Variants in CNIH3 observed in about 807,000 individuals in gnomAD.
The protein encoded by CNIH3 is protein cornichon homolog 3.
In CNIH3, 14 loss-of-function variants were observed where a neutral mutation model predicts 24.1. The ratio of observed to expected loss-of-function variants is 0.58; its 90% CI spans 0.38 to 0.91. The LOEUF is 0.91. Among genes scored for constraint, CNIH3 ranks in the 40% least tolerant of loss-of-function variants. The pLI, the probability that CNIH3 is intolerant of heterozygous loss-of-function variation, is 0.00. For missense variants in CNIH3, 178 were observed against 196.8 expected (o/e 0.90, Z 0.57); for synonymous variants, 68 against 73.8 (o/e 0.92, Z 0.40).
exon 6 of CNIH3, chr1:224,588,554 A>G (rs1310914345): frequency 6.6e-6 from 1 of 152,152 alleles, no homozygotes; most frequent in African/African-American, 2.4e-5. Flanking sequence ...AAGGATGAAG[A>G]AGACATTTTT....
chr1:224,731,926 A>G (rs376245215), intron 4 of CNIH3, among the ~76,000 whole-genome samples: 1 of 152,242 alleles, frequency 6.6e-6, no homozygotes, highest in East Asian at 1.9e-4. Context: ...CAGGGTTGGC[A>G]GGCAGCTGAG....
At chr1:224,626,741 C>G (rs74149627) in intron 1 of CNIH3, among the ~76,000 whole-genome samples, 28 of 152,310 alleles carry the variant, frequency 1.8e-4, no homozygotes, top group African/African-American at 5.5e-4. Context: ...ACCTACCTCT[C>G]CAGCCGGTCT....
At chr1:224,450,945 A>G (rs556752331) in intron 1 of CNIH3, among the ~76,000 whole-genome samples, 1 of 152,318 alleles carries the variant, frequency 6.6e-6, no homozygotes, top group Admixed American at 6.5e-5. Context: ...TTGTTCTGAA[A>G]TATGCTTTTA....
chr1:224,440,417 G>T (rs77420043), intron 1 of CNIH3, among the ~76,000 whole-genome samples: 3,223 of 152,086 alleles, frequency 0.021, 84 homozygotes, highest in East Asian at 0.098. Context: ...CTAGAGGCAG[G>T]GTCACCCTAT....
chr1:224,461,433 A>G (rs771066456), intron 1 of CNIH3, among the ~76,000 whole-genome samples: 49 of 152,238 alleles, frequency 3.2e-4, no homozygotes, highest in Non-Finnish European at 8.8e-5. Flanking sequence ...TAAGCATACC[A>G]GTATTCTATA....
intron 1 of CNIH3, among the ~76,000 whole-genome samples, chr1:224,654,988 G>A (rs1027324912): frequency 3.3e-5 from 5 of 152,092 alleles, no homozygotes; most frequent in South Asian, 4.1e-4. Context: ...AAAACAGATC[G>A]CACATGCAAA....
chr1:224,496,571 G>C (rs1282809317), intron 1 of CNIH3, among the ~76,000 whole-genome samples: 1 of 152,170 alleles, frequency 6.6e-6, no homozygotes, highest in Non-Finnish European at 1.5e-5. Context: ...CCTGAATCAG[G>C]GTGGTTTCAG....
chr1:224,473,959 A>G (rs1027672505), intron 1 of CNIH3, among the ~76,000 whole-genome samples: 1 of 152,242 alleles, frequency 6.6e-6, no homozygotes, highest in African/African-American at 2.4e-5. Flanking sequence ...CTCTGACCAC[A>G]ATAAAATAAA....
rs371585605 is a variant in CNIH3, at chr1:224,519,654, T to G, written n.16-1346T>G. On this transcript the variant is annotated intron_variant and non_coding_transcript_variant, in intron 1 of 2. Coordinates refer to the CNIH3 transcript ENST00000470602. ...TCACATATACATTTTGTGTGTGTAC[T>G]CTTCATGCAGAAGTGGCAGGAAATA... Among the ~76,000 whole-genome samples, 5 of 149,806 alleles carry G rather than the reference T, an allele frequency of 3.3e-5. No homozygotes were observed. In the South Asian group the frequency reaches 1.0e-3, roughly 31 times the overall value.
At chr1:224,728,393 C>T (rs1425773184) in intron 3 of CNIH3, among the ~76,000 whole-genome samples, 1 of 152,066 alleles carries the variant, frequency 6.6e-6, no homozygotes, top group African/African-American at 2.4e-5. Context: ...CATGGCGTGC[C>T]CCCTCCTGCC....
chr1:224,581,977 T>C (rs1245008727), intron 4 of CNIH3, among the ~76,000 whole-genome samples: 1 of 152,178 alleles, frequency 6.6e-6, no homozygotes, highest in Non-Finnish European at 1.5e-5. Context: ...CGTGAGGTTG[T>C]AACATTAAAC....
Position 224,739,528 on chromosome 1 carries a change from T to A in CNIH3, c.*172T>A. On this transcript the variant is annotated 3_prime_UTR_variant, in exon 6 of 6. Coordinates refer to ENST00000272133, the MANE Select transcript of CNIH3 (RefSeq NM_152495.2). Reference sequence around the variant, plus strand: ...ATCACGCAGCAGCTGGGAGCCGAGTTAACCCTGCGTGTCTGTGTCACCCTG... The same window carrying A: ...ATCACGCAGCAGCTGGGAGCCGAGTAAACCCTGCGTGTCTGTGTCACCCTG... The A allele has an allele frequency of 1.7e-6, 2 of 1,199,784 alleles. No individual in the cohort carries two copies. The highest frequency in any genetic ancestry group is 2.3e-6 in the Non-Finnish European group (2 of 858,784). The allele number at this position is 1,199,784 out of a possible 1,614,324, so 74.3% of individuals were successfully genotyped here.
chr1:224,720,853 G>C (rs555688739), intron 3 of CNIH3, among the ~76,000 whole-genome samples: 8 of 152,146 alleles, frequency 5.3e-5, no homozygotes, highest in Non-Finnish European at 1.2e-4. Context: ...ATGGAACGGA[G>C]ATTTTCTTCC....
chr1:224,677,644 C>T (rs1686202747), intron 1 of CNIH3, among the ~76,000 whole-genome samples: 2 of 152,268 alleles, frequency 1.3e-5, no homozygotes, highest in Non-Finnish European at 2.9e-5. Flanking sequence ...GTAGGGGTCG[C>T]TGGCTCTCAG....
chr1:224,442,287 A>G (rs1674952386), intron 1 of CNIH3, among the ~76,000 whole-genome samples: 1 of 152,186 alleles, frequency 6.6e-6, no homozygotes, highest in Non-Finnish European at 1.5e-5. Context: ...CTGGGATTAT[A>G]GGCAAGAGCC....
upstream of CNIH3, among the ~76,000 whole-genome samples, chr1:224,510,886 T>C (rs1310594469): frequency 1.3e-5 from 2 of 152,170 alleles, no homozygotes; most frequent in African/African-American, 4.8e-5. Flanking sequence ...CTTTGTCCTC[T>C]GGGAGAAGGG....
At chr1:224,608,637 A>G (rs4654057) in intron 3 of CNIH3, among the ~76,000 whole-genome samples, 106,831 of 152,114 alleles carry the variant, frequency 0.7, 39,197 homozygotes, top group East Asian at 0.99. Context: ...GGCCCAGGGC[A>G]CGGCGCCGGG....
intron 1 of CNIH3, among the ~76,000 whole-genome samples, chr1:224,633,258 A>G (rs1216357108): frequency 1.3e-5 from 2 of 152,100 alleles, no homozygotes; most frequent in Non-Finnish European, 2.9e-5. Context: ...TCCCAGGTTC[A>G]AGCGATTCTC....
intron 1 of CNIH3, among the ~76,000 whole-genome samples, chr1:224,630,199 A>G (rs1193449550): frequency 6.6e-6 from 1 of 152,200 alleles, no homozygotes; most frequent in East Asian, 1.9e-4. Context: ...GTTATTGTTC[A>G]TTAAAACCTT....
Sources: gnomAD v4.1 joint callset for allele counts (sites outside exome capture counted in the v4.1 genomes callset) on GRCh38, gnomAD v4.1.1 for gene constraint, MANE v1.5 for transcripts, NCBI Gene and HGNC (gene_info 2026-07-23, HGNC 2026-07-21) for gene names.